NAP1L4: variants seen among roughly 807,000 people sequenced by gnomAD.
NAP1L4 encodes the protein nucleosome assembly protein 1-like 4.
NAP1L4 carries 15 observed loss-of-function variants against 58.2 expected under a neutral mutation model. The ratio of observed to expected loss-of-function variants is 0.26; its 90% CI spans 0.17 to 0.40. The LOEUF is 0.40. Ranked by LOEUF, NAP1L4 falls within the 10% of genes least tolerant of loss-of-function variation. The pLI, the probability that NAP1L4 is intolerant of heterozygous loss-of-function variation, is 1.00. For synonymous variants in NAP1L4, 171 were observed against 155.6 expected, an observed-to-expected ratio of 1.10 and a Z score of -0.74; for missense variants, 384 against 451.1, an observed-to-expected ratio of 0.85 and a Z score of 1.35.
chr11:2,979,094 C>G, intron 2 of NAP1L4, 113 bp downstream of exon 2: 2 of 1,106,082 alleles, frequency 1.8e-6, no homozygotes, highest in Non-Finnish European at 2.7e-6. Flanking sequence ...GAGCCATCAG[C>G]TAGACGCTGA....
chr11:2,977,851 T>C (rs1200374048), intron 3 of NAP1L4, among the ~76,000 whole-genome samples: 2 of 134,258 alleles, frequency 1.5e-5, no homozygotes, highest in Non-Finnish European at 3.1e-5. Context: ...GGAAGGAAAG[T>C]AAAGGGTATA....
At chr11:2,973,529 T>A (rs1387156617) in intron 4 of NAP1L4, among the ~76,000 whole-genome samples, 1 of 152,052 alleles carries the variant, frequency 6.6e-6, no homozygotes, top group East Asian at 1.9e-4. Flanking sequence ...CACACACACA[T>A]ATCACTGGTC....
intron 4 of NAP1L4, 112 bp downstream of exon 4, chr11:2,975,912 C>T: frequency 1.1e-6 from 1 of 942,046 alleles, no homozygotes; most frequent in Non-Finnish European, 1.6e-6. Context: ...TAGACAATGT[C>T]TTGGAACGAA....
intron 3 of NAP1L4, among the ~76,000 whole-genome samples, chr11:2,977,109 T>C (rs1364908962): frequency 6.6e-6 from 1 of 152,264 alleles, no homozygotes; most frequent in African/African-American, 2.4e-5. Flanking sequence ...TTAAGGTACG[T>C]AATTTGTATA....
intron 10 of NAP1L4, among the ~76,000 whole-genome samples, chr11:2,956,408 CCT>C (rs1476877453): frequency 1.3e-5 from 2 of 152,114 alleles, no homozygotes; most frequent in South Asian, 2.1e-4. Flanking sequence ...GATCCAACCC[CCT>C]GATTTTAGAA....
In NAP1L4 at chr11:2,947,873, T is replaced by C. The variant is rs539900748; in HGVS notation, c.*32+1354A>G. ...CCGCTGAAACACACTCGACCATAGCTGCGCTGGCGAAGAAGCCCCAAGTGC... is the reference window on the plus strand; with the variant it reads ...CCGCTGAAACACACTCGACCATAGCCGCGCTGGCGAAGAAGCCCCAAGTGC... On this transcript the variant is annotated intron_variant, in intron 15 of 15. Coordinates refer to ENST00000380542, the MANE Select transcript of NAP1L4 (RefSeq NM_005969.4). 6.6e-5 allele frequency among the ~76,000 whole-genome samples: 10 copies of C among 152,330 alleles called. No homozygotes were observed. In the South Asian group the frequency reaches 8.3e-4, roughly 13 times the overall value.
At chr11:2,970,756 T>C (rs552630397) in intron 6 of NAP1L4, among the ~76,000 whole-genome samples, 7 of 152,176 alleles carry the variant, frequency 4.6e-5, no homozygotes, top group Non-Finnish European at 4.4e-5. Flanking sequence ...TTCACAACTG[T>C]ATTAATCCAC....
intron 7 of NAP1L4, among the ~76,000 whole-genome samples, chr11:2,965,383 T>G (rs1445045529): frequency 6.6e-6 from 1 of 152,238 alleles, no homozygotes; most frequent in Non-Finnish European, 1.5e-5. Flanking sequence ...TACTGAATAC[T>G]GGAAGCAGCT....
intron 1 of NAP1L4, among the ~76,000 whole-genome samples, chr11:2,985,982 T>C (rs1848593844): frequency 6.6e-6 from 1 of 152,252 alleles, no homozygotes; most frequent in Admixed American, 6.5e-5. Flanking sequence ...CAAACAACTG[T>C]TTTCTTATGA....
At chr11:2,984,408 C>T (rs1028811877) in intron 1 of NAP1L4, among the ~76,000 whole-genome samples, 17 of 152,004 alleles carry the variant, frequency 1.1e-4, no homozygotes, top group Non-Finnish European at 2.2e-4. Context: ...CCCGTCTCTA[C>T]TAAGAATACA....
rs539086361 is a variant in NAP1L4, at chr11:2,955,034, C to A, written c.916-388G>T. Reference sequence around the variant, plus strand: ...AGATGTGTAATGATTTCAAATTAATCCCAGAGTTTTAGGAAACAGAAATGG... The same window carrying A: ...AGATGTGTAATGATTTCAAATTAATACCAGAGTTTTAGGAAACAGAAATGG... On this transcript the variant is annotated intron_variant, in intron 11 of 15. Transcript: ENST00000380542. The surrounding 1 kb of genome is among the most constrained non-coding windows in gnomAD (Gnocchi z 4.2). Among the ~76,000 whole-genome samples the A allele has an allele frequency of 6.6e-6, 1 of 152,194 alleles. No individual in the cohort carries two copies. Among genetic ancestry groups the A allele is most frequent in the East Asian group, 1.9e-4 (1 of 5,180 alleles).
chr11:2,980,417 C>G (rs1172380106), intron 1 of NAP1L4, among the ~76,000 whole-genome samples: 2 of 152,108 alleles, frequency 1.3e-5, no homozygotes, highest in African/African-American at 2.4e-5. Context: ...AACTCCTGGC[C>G]TCAAGAGATC....
intron 1 of NAP1L4, among the ~76,000 whole-genome samples, chr11:2,979,675 G>A (rs1052832473): frequency 3.9e-5 from 6 of 152,028 alleles, no homozygotes; most frequent in South Asian, 2.1e-4. Context: ...AGGAGGCTGA[G>A]GCAGAAGAAT....
intron 15 of NAP1L4, 79 bp from the exon 16 acceptor site, chr11:2,945,725 C>A: frequency 8.3e-7 from 1 of 1,211,982 alleles, no homozygotes; most frequent in Non-Finnish European, 1.1e-6. Context: ...CAATGAAAGC[C>A]AAGACTGAAT....
intron 7 of NAP1L4, 39 bp downstream of exon 7, chr11:2,969,764 C>CT: frequency 1.3e-6 from 2 of 1,576,324 alleles, no homozygotes. Context: ...TGTTAGAAGA[C>CT]TAGCACATAA....
In NAP1L4 at chr11:2,992,305, C is replaced by G. The variant is rs958599060; in HGVS notation, c.-69G>C. 6.6e-6 allele frequency: 1 copy of G among 152,330 alleles called. No homozygotes were observed. Among genetic ancestry groups the G allele is most frequent in the African/African-American group, 2.4e-5 (1 of 41,456 alleles). The allele number at this position is 152,330 out of a possible 1,614,324, so 9.4% of individuals were successfully genotyped here. A position where few individuals can be genotyped will look rare whatever the true frequency, so the allele number is the denominator to read the frequency against. On this transcript the variant is annotated 5_prime_UTR_variant, in exon 1 of 16. Coordinates refer to ENST00000380542, the MANE Select transcript of NAP1L4 (RefSeq NM_005969.4). Reference sequence around the variant, plus strand: ...GACCCTAGCTTCGCTCGCTTTGGGGCTGCGCCGCCGTGGCCTCCAACAACG... The same window carrying G: ...GACCCTAGCTTCGCTCGCTTTGGGGGTGCGCCGCCGTGGCCTCCAACAACG...
intron 1 of NAP1L4, among the ~76,000 whole-genome samples, chr11:2,991,577 C>G (rs1848969221): frequency 6.6e-6 from 1 of 152,266 alleles, no homozygotes; most frequent in South Asian, 2.1e-4. Flanking sequence ...CCTCGGGGAG[C>G]GCACGCCGCC....
chr11:2,983,019 C>CA (rs199923577), intron 1 of NAP1L4, among the ~76,000 whole-genome samples: 192 of 149,112 alleles, frequency 1.3e-3, no homozygotes, highest in African/African-American at 4.1e-3. Context: ...GACTCCATCT[C>CA]AAAAAAAAAC....
chr11:2,969,705 A>T, intron 7 of NAP1L4, 98 bp downstream of exon 7: 1 of 1,382,044 alleles, frequency 7.2e-7, no homozygotes, highest in African/African-American at 1.5e-5. Flanking sequence ...CACTATGAAC[A>T]ATCTTTCAAT....
Sources: allele counts gnomAD v4.1 joint callset (sites outside exome capture counted in the v4.1 genomes callset), GRCh38; gene constraint gnomAD v4.1.1; non-coding constraint Gnocchi (gnomAD v3.1); transcripts MANE v1.5; gene names NCBI Gene and HGNC (gene_info 2026-07-23, HGNC 2026-07-21).